Variants in AMBRA1 observed in about 807,000 individuals in gnomAD.
The protein encoded by AMBRA1 is activating molecule in BECN1-regulated autophagy protein 1.
A neutral mutation model predicts 125.4 loss-of-function variants in AMBRA1; 47 were observed. The ratio of observed to expected loss-of-function variants is 0.37; its 90% CI spans 0.30 to 0.48. The LOEUF is 0.48. AMBRA1 is among the 20% of genes least tolerant of loss of function. The pLI is 0.99. For missense variants in AMBRA1, 1,331 were observed against 1,693.4 expected, an observed-to-expected ratio of 0.79 and a Z score of 3.76; for synonymous variants, 626 against 655.5, an observed-to-expected ratio of 0.95 and a Z score of 0.69.
chr11:46,432,847 C>A (rs2136705927), intron 14 of AMBRA1, among the ~76,000 whole-genome samples: 1 of 152,304 alleles, frequency 6.6e-6, no homozygotes, highest in East Asian at 1.9e-4. Flanking sequence ...TAAATGAGCA[C>A]CTATGGGACG....
At chr11:46,457,285 C>T (rs1948888982) in intron 11 of AMBRA1, among the ~76,000 whole-genome samples, 1 of 152,176 alleles carries the variant, frequency 6.6e-6, no homozygotes, top group African/African-American at 2.4e-5. Context: ...ATTACCATTA[C>T]CCAGCGACAG....
intron 1 of AMBRA1, among the ~76,000 whole-genome samples, chr11:46,550,894 G>A (rs964061432): frequency 1.3e-5 from 2 of 150,160 alleles, no homozygotes; most frequent in Non-Finnish European, 3.0e-5. Flanking sequence ...AGACCATCCT[G>A]GCTAACACAG....
chr11:46,567,581 G>A (rs113338110), intron 1 of AMBRA1, among the ~76,000 whole-genome samples: 1,779 of 151,646 alleles, frequency 0.012, 42 homozygotes, highest in African/African-American at 0.041. Flanking sequence ...AGCCGGTCTC[G>A]AACTCCTGGC....
chr11:46,497,415 T>A (rs901011728), intron 9 of AMBRA1, among the ~76,000 whole-genome samples: 21 of 152,222 alleles, frequency 1.4e-4, no homozygotes, highest in Admixed American at 1.2e-3. Context: ...GTCCTCAGTT[T>A]ATTTAACATC....
Position 46,551,234 on chromosome 11 carries a change from G to C in AMBRA1, c.-120-2734C>G, listed in dbSNP as rs767976047. Among the ~76,000 whole-genome samples, 2 of 152,138 alleles carry C rather than the reference G, an allele frequency of 1.3e-5. 1 individual carries two copies. Among genetic ancestry groups the C allele is most frequent in the South Asian group, 4.1e-4 (2 of 4,834 alleles). On this transcript the variant is annotated intron_variant, in intron 1 of 17. Coordinates refer to ENST00000683756, the MANE Select transcript of AMBRA1 (RefSeq NM_001387011.1). Reference sequence around the variant, plus strand: ...ATGGTAACACGCTGGGGACTGGAGGGACTAGATAAATGGAAACAAAAATGG... The same window carrying C: ...ATGGTAACACGCTGGGGACTGGAGGCACTAGATAAATGGAAACAAAAATGG...
At chr11:46,564,144 C>CAAAAA (rs563596004) in intron 1 of AMBRA1, among the ~76,000 whole-genome samples, 6 of 38,114 alleles carry the variant, frequency 1.6e-4, no homozygotes, top group African/African-American at 6.2e-4. Context: ...AACTCCGTCT[C>CAAAAA]AAAAAAAAAA....
intron 11 of AMBRA1, among the ~76,000 whole-genome samples, chr11:46,474,973 T>C (rs1949758793): frequency 6.6e-6 from 1 of 152,090 alleles, no homozygotes; most frequent in Non-Finnish European, 1.5e-5. Flanking sequence ...ATGTATAACA[T>C]GAGGAGGATG....
chr11:46,464,275 T>C (rs901742153), intron 11 of AMBRA1, among the ~76,000 whole-genome samples: 20 of 152,356 alleles, frequency 1.3e-4, no homozygotes, highest in African/African-American at 4.6e-4. Context: ...AATTAGAGAA[T>C]GCAGGCTTAT....
chr11:46,418,114 T>A, intron 14 of AMBRA1, 62 bp from the exon 15 acceptor site: 2 of 1,451,962 alleles, frequency 1.4e-6, no homozygotes, highest in East Asian at 5.1e-5. Context: ...TTACCAAGAA[T>A]AACAAAATCC....
Position 46,583,679 on chromosome 11 carries a change from A to AC in AMBRA1, c.-121+10148dup, listed in dbSNP as rs1210597574. The stretch of plus-strand genomic sequence containing the variant: ...AAAAAAAAAAAAAAAAAAAAAAAAA[A>AC]CAACAAAACAACCCCATCAAAAAGT... On this transcript the variant is annotated intron_variant, in intron 1 of 17. Transcript: ENST00000683756. Among the ~76,000 whole-genome samples, 152 of 142,458 alleles carry AC rather than the reference A, an allele frequency of 1.1e-3. 1 individual carries two copies. The highest frequency in any genetic ancestry group is 3.6e-3 in the Middle Eastern group (1 of 280). 93.5% of individuals were successfully genotyped at this position (142,458 alleles called of 152,430 possible). A position where few individuals can be genotyped will look rare whatever the true frequency, so the allele number is the denominator to read the frequency against.
At chr11:46,590,195 AC>A (rs2044547071) in intron 1 of AMBRA1, among the ~76,000 whole-genome samples, 2 of 151,716 alleles carry the variant, frequency 1.3e-5, no homozygotes, top group Non-Finnish European at 2.9e-5. Context: ...ACACGGTGAA[AC>A]CCCATTTCTA....
At chr11:46,560,099 A>C (rs1462747397) in intron 1 of AMBRA1, among the ~76,000 whole-genome samples, 1 of 152,230 alleles carries the variant, frequency 6.6e-6, no homozygotes, top group Non-Finnish European at 1.5e-5. Flanking sequence ...TAACCACCTG[A>C]CAAATTGAAA....
rs767936094 is a variant in AMBRA1 at position 46,542,203 on chromosome 11, G to A, written c.1814C>T (p.Ser605Phe). Residue 605 changes from serine to phenylalanine, a missense_variant, in exon 7 of 18, where the codon TCC becomes TTC. Ser to Phe is a radical substitution (Grantham distance 155). Coordinates refer to ENST00000683756, the MANE Select transcript of AMBRA1 (RefSeq NM_001387011.1). The surrounding 1 kb of genome is among the most constrained non-coding windows in gnomAD (Gnocchi z 5.9). ...GCCACTTGATGGCACACTCTCAAAG[G>A]AGCTGGGGACCTGCCAAGAGGAACT... is the stretch of plus-strand genomic sequence containing the variant. The part of the protein sequence containing the change: ...EASSSWQVPS[S>F]FESVPSSGSQ... The A allele has an allele frequency of 9.3e-6, 15 of 1,613,844 alleles. No homozygotes were observed. Among genetic ancestry groups the A allele is most frequent in the African/African-American group, 4.0e-5 (3 of 74,934 alleles).
chr11:46,550,926 A>C (rs2042974519), intron 1 of AMBRA1, among the ~76,000 whole-genome samples: 1 of 150,216 alleles, frequency 6.7e-6, no homozygotes, highest in South Asian at 2.1e-4. Flanking sequence ...CTCTACTAAA[A>C]ATACAAAAAA....
chr11:46,453,973 ATTT>A (rs1257426603), intron 11 of AMBRA1, among the ~76,000 whole-genome samples: 2 of 152,224 alleles, frequency 1.3e-5, no homozygotes, highest in Non-Finnish European at 2.9e-5. Flanking sequence ...AATAAACATA[ATTT>A]TATTGTCCAA....
Position 46,546,623 on chromosome 11 carries a change from C to CAA in AMBRA1, c.378+488_378+489dup, listed in dbSNP as rs199573787. On this transcript the variant is annotated intron_variant, in intron 4 of 17. Coordinates refer to ENST00000683756, the MANE Select transcript of AMBRA1 (RefSeq NM_001387011.1). Reference sequence around the variant, plus strand: ...ATCTCAGGGCATGCTTAAGCTATTGCAAAAAAAAAAAAAAGGAATGGAAGA... The same window carrying CAA: ...ATCTCAGGGCATGCTTAAGCTATTGCAAAAAAAAAAAAAAAAGGAATGGAAGA... Among the ~76,000 whole-genome samples the CAA allele has an allele frequency of 2.4e-3, 279 of 114,218 alleles. 2 individuals are homozygous for CAA. Among genetic ancestry groups the CAA allele is most frequent in the African/African-American group, 7.6e-3 (247 of 32,550 alleles). 74.9% of individuals were successfully genotyped at this position (114,218 alleles called of 152,430 possible). A position where few individuals can be genotyped will look rare whatever the true frequency, so the allele number is the denominator to read the frequency against.
intron 14 of AMBRA1, chr11:46,428,858 C>A: frequency 6.2e-7 from 1 of 1,611,636 alleles, no homozygotes; most frequent in Non-Finnish European, 8.5e-7. Flanking sequence ...AGTCTCTGGA[C>A]GGCTACGGCG....
At chr11:46,535,971 G>A (rs1873130) in intron 7 of AMBRA1, among the ~76,000 whole-genome samples, 10,740 of 152,140 alleles carry the variant, frequency 0.071, 1,245 homozygotes, top group African/African-American at 0.24. Context: ...AGAGGTCACC[G>A]GAGCTCAAGT....
chr11:46,401,814 C>T (rs1367937174), intron 17 of AMBRA1, among the ~76,000 whole-genome samples: 1 of 152,248 alleles, frequency 6.6e-6, no homozygotes, highest in East Asian at 1.9e-4. Flanking sequence ...CATCCTAATT[C>T]AGCTCTGCTG....
Sources: gnomAD v4.1 joint callset for allele counts (sites outside exome capture counted in the v4.1 genomes callset) on GRCh38, gnomAD v4.1.1 for gene constraint, Gnocchi (gnomAD v3.1) non-coding constraint, MANE v1.5 for transcripts, NCBI Gene and HGNC (gene_info 2026-07-23, HGNC 2026-07-21) for gene names.